Variants in ULK1 observed in about 807,000 individuals in gnomAD.
ULK1 encodes the protein unc-51 like autophagy activating kinase 1.
Under a neutral mutation model 117.5 loss-of-function variants are expected in ULK1, and 48 were observed. That is an observed-to-expected ratio of 0.41 (90% CI 0.32 to 0.52). ULK1 has a LOEUF of 0.52. Among genes scored for constraint, ULK1 ranks in the 20% least tolerant of loss-of-function variants. The probability of loss-of-function intolerance (pLI) is 0.29; values close to 1 mark genes in which losing one functional copy is unlikely to be tolerated. For synonymous variants in ULK1, 790 were observed against 637.8 expected (o/e 1.24, Z -3.60); for missense variants, 1,387 against 1,473.4 (o/e 0.94, Z 0.96).
intron 4 of ULK1, 46 bp downstream of exon 4, chr12:131,906,970 G>C: frequency 6.2e-7 from 1 of 1,613,464 alleles, no homozygotes; most frequent in Non-Finnish European, 8.5e-7. Context: ...GATGGCCATG[G>C]CCCTGGGAGC....
intron 11 of ULK1, 94 bp downstream of exon 11, chr12:131,910,398 A>T: frequency 6.4e-7 from 1 of 1,559,806 alleles, no homozygotes; most frequent in Non-Finnish European, 8.8e-7. Flanking sequence ...GGGCAGAGGG[A>T]GCAGGTCTTG....
chr12:131,918,323 G>A, intron 22 of ULK1, 174 bp from the exon 23 acceptor site: 1 of 768,936 alleles, frequency 1.3e-6, no homozygotes, highest in Non-Finnish European at 2.0e-6. Context: ...GCAAGAGGTT[G>A]AGGAGTGGCT....
Position 131,913,964 on chromosome 12 carries a change from C to T in ULK1, c.1247+128C>T, listed in dbSNP as rs903674913. Reference sequence around the variant, plus strand: ...AGGCCCCTGCCTTCTTCTCCCAGGCCTCGCAGGATGGGGTCTGCTGGGTCG... The same window carrying T: ...AGGCCCCTGCCTTCTTCTCCCAGGCTTCGCAGGATGGGGTCTGCTGGGTCG... On this transcript the variant is annotated intron_variant, in intron 15 of 27. Coordinates refer to ENST00000321867, the MANE Select transcript of ULK1 (RefSeq NM_003565.4). The T allele has an allele frequency of 1.2e-5, 10 of 849,870 alleles. No individual in the cohort carries two copies. The East Asian group carries it at 2.5e-4, about 21-fold the overall frequency. 52.6% of individuals were successfully genotyped at this position (849,870 alleles called of 1,614,324 possible).
At chr12:131,911,056 G>A (rs559507880) in intron 12 of ULK1, among the ~76,000 whole-genome samples, 23 of 152,316 alleles carry the variant, frequency 1.5e-4, no homozygotes, top group Non-Finnish European at 2.6e-4. Flanking sequence ...TTGTGCTGAC[G>A]TGGACAGAAG....
intron 22 of ULK1, among the ~76,000 whole-genome samples, chr12:131,918,085 C>T (rs1301646831): frequency 2.0e-5 from 3 of 152,168 alleles, no homozygotes; most frequent in Non-Finnish European, 4.4e-5. Context: ...AGCCCCATAG[C>T]GAGGATGGGG....
chr12:131,895,270 A>AC (rs1169972878), intron 1 of ULK1, among the ~76,000 whole-genome samples, 158 bp downstream of exon 1: 2 of 66,576 alleles, frequency 3.0e-5, no homozygotes. Flanking sequence ...CCACCCCGCG[A>AC]CCCCCAGCCC....
Position 131,895,831 on chromosome 12 carries a change from C to T in ULK1, c.246+7C>T. On this transcript the variant is annotated splice_region_variant and intron_variant, in intron 3 of 27. Coordinates refer to ENST00000321867, the MANE Select transcript of ULK1 (RefSeq NM_003565.4). The stretch of plus-strand genomic sequence containing the variant: ...GGCCCTGTACGACTTCCAGGTAAGG[C>T]CTCTGGGCTGCGGTCTGCTGGGGAC... 6 of 1,614,126 alleles carry T rather than the reference C, an allele frequency of 3.7e-6. No homozygotes were observed. The highest frequency in any genetic ancestry group is 5.1e-6 in the Non-Finnish European group (6 of 1,180,008).
At chr12:131,918,865 T>G (rs1194970323) in intron 23 of ULK1, among the ~76,000 whole-genome samples, 184 bp downstream of exon 23, 5 of 3,996 alleles carry the variant, frequency 1.3e-3, no homozygotes, top group Non-Finnish European at 3.1e-3. Flanking sequence ...GGGTGTCGGG[T>G]GTGTGGGGTG....
Position 131,908,649 on chromosome 12 carries a change from C to T in ULK1, c.322C>T (p.Arg108Cys), listed in dbSNP as rs1434603898. 3.3e-6 allele frequency: 5 copies of T among 1,528,702 alleles called. No homozygotes were observed. Among genetic ancestry groups the T allele is most frequent in the Middle Eastern group, 1.7e-4 (1 of 5,794 alleles). 94.7% of individuals were successfully genotyped at this position (1,528,702 alleles called of 1,614,324 possible). ...GDLADYLHAMRTLSEDTIRLF... is the reference protein window; with the variant it reads ...GDLADYLHAMCTLSEDTIRLF... ...TGAGCCGCCTCTCCCCGCAGCCATG[C>T]GCACGCTGAGCGAGGACACCATCAG... The change falls in exon 6 of 28, where the codon CGC (arginine) becomes TGC (cysteine). Residue 108 changes from arginine to cysteine, a missense_variant. Arg to Cys is a radical substitution (Grantham distance 180). This residue lies in a region of ULK1 where 224 missense variants were observed against 325.2 expected (regional missense o/e 0.69). Coordinates refer to ENST00000321867, the MANE Select transcript of ULK1 (RefSeq NM_003565.4).
At chr12:131,897,585 G>A (rs1395767702) in intron 3 of ULK1, 2 of 152,042 alleles carry the variant, frequency 1.3e-5, no homozygotes, top group African/African-American at 4.8e-5. Context: ...GTCTCTAAAA[G>A]AGTAGAGCTT....
Position 131,918,715 on chromosome 12 carries a change from G to C in ULK1, c.2511+34G>C, listed in dbSNP as rs1014426691. ...TGGAGTGAGCAAAGGTTCCCATTCT[G>C]GCTGGAGGGTGTGTGGGGTGTGTGG... On this transcript the variant is annotated intron_variant, in intron 23 of 27. Transcript: ENST00000321867. The C allele has an allele frequency of 2.1e-6, 3 of 1,459,786 alleles. No homozygotes were observed. In the African/African-American group the frequency reaches 4.6e-5, roughly 22 times the overall value. The allele number at this position is 1,459,786 out of a possible 1,614,324, so 90.4% of individuals were successfully genotyped here.
intron 16 of ULK1, among the ~76,000 whole-genome samples, chr12:131,914,684 A>G (rs192136945): frequency 6.6e-6 from 1 of 152,246 alleles, no homozygotes; most frequent in Non-Finnish European, 1.5e-5. Context: ...AAATCTCTCT[A>G]GTTTATAAAA....
chr12:131,918,341 C>A, intron 22 of ULK1, 156 bp from the exon 23 acceptor site: 1 of 892,298 alleles, frequency 1.1e-6, no homozygotes, highest in Non-Finnish European at 1.7e-6. Context: ...GCTCTAGGGG[C>A]CTGCTGTGCT....
chr12:131,908,953 C>CG lies in ULK1; in HGVS notation c.548dup (p.Ser184LeufsTer88). The CG allele has an allele frequency of 6.2e-7, 1 of 1,612,672 alleles. No individual in the cohort carries two copies. The highest frequency in any genetic ancestry group is 8.5e-7 in the Non-Finnish European group (1 of 1,179,878). ...GCAACATGATGGCGGCCACACTCTG[C>CG]GGCTCCCCCATGTACATGGTGTGTT... is the stretch of plus-strand genomic sequence containing the variant. On this transcript the variant is annotated frameshift_variant, in exon 7 of 28. Transcript: ENST00000321867. LOFTEE classifies it high-confidence loss of function.
chr12:131,912,158 G>C, intron 13 of ULK1, 69 bp downstream of exon 13: 1 of 1,533,564 alleles, frequency 6.5e-7, no homozygotes. Flanking sequence ...GCATGTGTTG[G>C]ATGCACAGTG....
chr12:131,917,298 G>T, intron 21 of ULK1, 113 bp from the exon 22 acceptor site: 1 of 331,188 alleles, frequency 3.0e-6, no homozygotes, highest in Non-Finnish European at 5.1e-6. Flanking sequence ...CTGTGGGACG[G>T]GGGTTGGGGG....
rs1890212716 is a variant in ULK1, at chr12:131,922,952, C to G, written c.*1591C>G. 1 of 152,334 alleles carries G rather than the reference C, an allele frequency of 6.6e-6. No homozygotes were observed. The highest frequency in any genetic ancestry group is 2.4e-5 in the African/African-American group (1 of 41,442). 9.4% of individuals were successfully genotyped at this position (152,334 alleles called of 1,614,324 possible). A position where few individuals can be genotyped will look rare whatever the true frequency, so the allele number is the denominator to read the frequency against. ...CACTGCGGGGATCTTGCCCGGTGTC[C>G]TGGTCCTCTTGCTTCCGTCGCGGCC... On this transcript the variant is annotated 3_prime_UTR_variant, in exon 28 of 28. Transcript: ENST00000321867.
intron 23 of ULK1, 63 bp downstream of exon 23, chr12:131,918,744 GTCGGGTGTGTGGGGTA>G (rs1889980250): frequency 1.5e-5 from 9 of 593,036 alleles, no homozygotes; most frequent in South Asian, 4.7e-5. Flanking sequence ...TGTGTGGGGT[GTCGGGTGTGTGGGGTA>G]TAGGGTGTGT....
At chr12:131,908,865 GC>G (rs1169153837) in intron 6 of ULK1, 32 bp from the exon 7 acceptor site, 2 of 1,607,274 alleles carry the variant, frequency 1.2e-6, no homozygotes, top group Non-Finnish European at 1.7e-6. Flanking sequence ...GGGCTCCGGG[GC>G]CGGCGCCGGT....
Sources: allele counts gnomAD v4.1 joint callset (sites outside exome capture counted in the v4.1 genomes callset), GRCh38; gene constraint gnomAD v4.1.1; regional missense constraint gnomAD v4.1.1; transcripts MANE v1.5; gene names NCBI Gene and HGNC (gene_info 2026-07-23, HGNC 2026-07-21).